ROS1: variants seen among roughly 807,000 people sequenced by gnomAD.
The protein encoded by ROS1 is proto-oncogene tyrosine-protein kinase ROS.
In ROS1, 263 loss-of-function variants were observed where a neutral mutation model predicts 273.5. The ratio of observed to expected loss-of-function variants is 0.96; its 90% CI spans 0.87 to 1.06. ROS1 has a LOEUF of 1.06. ROS1 is among the 50% of genes least tolerant of loss of function. The probability of loss-of-function intolerance (pLI) is 0.00; values close to 1 mark genes in which losing one functional copy is unlikely to be tolerated. For synonymous variants in ROS1, 1,008 were observed against 954.1 expected (o/e 1.06, Z -1.04); for missense variants, 2,833 against 2,751.1 (o/e 1.03, Z -0.67).
At chr6:117,410,662 C>A (rs183496466) in intron 4 of ROS1, among the ~76,000 whole-genome samples, 1 of 152,146 alleles carries the variant, frequency 6.6e-6, no homozygotes, top group Non-Finnish European at 1.5e-5. Flanking sequence ...TGTCTTTCAA[C>A]TTGTAACTAT....
intron 8 of ROS1, 43 bp from the exon 9 acceptor site, chr6:117,396,307 G>A (rs751330714): frequency 1.5e-6 from 2 of 1,325,434 alleles, no homozygotes; most frequent in Non-Finnish European, 2.2e-6. Flanking sequence ...CACATGGCAT[G>A]GTGTGAACAT....
Position 117,387,877 on chromosome 6 carries a change from C to T in ROS1, c.1902G>A (p.Leu634=), listed in dbSNP as rs778643336. Residue 634 remains leucine, a synonymous_variant, in exon 14 of 44, where the codon CTG becomes CTA. Transcript: ENST00000368507. ...AAACCTTGTATTTCATAGCACTCTGCAGCTCAGGTACATTCAGCATGGTTC... is the reference window on the plus strand; with the variant it reads ...AAACCTTGTATTTCATAGCACTCTGTAGCTCAGGTACATTCAGCATGGTTC... The part of the protein sequence containing the change: ...ISGTMLNVPE[L]QSAMKYKVSV... 1 of 1,614,170 alleles carries T rather than the reference C, an allele frequency of 6.2e-7. No homozygotes were observed. Among genetic ancestry groups the T allele is most frequent in the Non-Finnish European group, 8.5e-7 (1 of 1,180,018 alleles).
chr6:117,360,848 C>T (rs979793758), intron 22 of ROS1, among the ~76,000 whole-genome samples: 28 of 152,080 alleles, frequency 1.8e-4, no homozygotes, highest in African/African-American at 6.7e-4. Context: ...TTACATAGAA[C>T]ATTTAACAGA....
intron 4 of ROS1, among the ~76,000 whole-genome samples, chr6:117,411,742 G>C (rs2128738500): frequency 6.6e-6 from 1 of 152,234 alleles, no homozygotes. Flanking sequence ...ATTCATTCAA[G>C]AATATTTGAA....
At chr6:117,385,270 T>C (rs1236377034) in intron 16 of ROS1, among the ~76,000 whole-genome samples, 2 of 152,178 alleles carry the variant, frequency 1.3e-5, no homozygotes, top group Non-Finnish European at 2.9e-5. Context: ...AAAAGTGAGA[T>C]GAGGCCGGGA....
intron 1 of ROS1, among the ~76,000 whole-genome samples, chr6:117,422,088 G>T (rs1489657804): frequency 6.6e-6 from 1 of 152,168 alleles, no homozygotes; most frequent in African/African-American, 2.4e-5. Flanking sequence ...ACAGCTGACA[G>T]CATCCTCGAC....
chr6:117,422,472 T>C (rs1775828948), intron 1 of ROS1, among the ~76,000 whole-genome samples: 1 of 152,212 alleles, frequency 6.6e-6, no homozygotes, highest in Non-Finnish European at 1.5e-5. Context: ...TTGATTGTAT[T>C]CTGTTTTACT....
chr6:117,316,075 T>C (rs1582596936), intron 39 of ROS1, among the ~76,000 whole-genome samples: 1 of 152,060 alleles, frequency 6.6e-6, no homozygotes, highest in African/African-American at 2.4e-5. Flanking sequence ...CCTGGAAGGA[T>C]GGTTTATCTG....
At position 117,310,084 on chromosome 6, in the gene ROS1, A is replaced by G. The variant is rs2128547914; in HGVS notation, c.6413T>C (p.Val2138Ala). 1 of 1,612,304 alleles carries G rather than the reference A, an allele frequency of 6.2e-7. No homozygotes were observed. Among genetic ancestry groups the G allele is most frequent in the Non-Finnish European group, 8.5e-7 (1 of 1,178,578 alleles). Residue 2138 changes from valine to alanine, a missense_variant, in exon 41 of 44, where the codon GTA becomes GCA. Physicochemically the swap from Val to Ala is moderately conservative, Grantham distance 64 (BLOSUM62 0). Transcript: ENST00000368507. Reference protein sequence around the residue: ...MDGIFTTQSDVWSFGILIWEI... With the variant: ...MDGIFTTQSDAWSFGILIWEI... The stretch of plus-strand genomic sequence containing the variant: ...CTCTGTGTCCCGTTAAACTTACCAT[A>G]CATCAGATTGAGTAGTGAAGATTCC...
intron 32 of ROS1, among the ~76,000 whole-genome samples, chr6:117,335,145 GAA>G (rs1229115904): frequency 1.3e-5 from 2 of 152,112 alleles, no homozygotes; most frequent in African/African-American, 4.8e-5. Flanking sequence ...ATATTTACAA[GAA>G]AAAGACAGAC....
chr6:117,402,916 GAA>G (rs1774069232), intron 7 of ROS1, among the ~76,000 whole-genome samples: 1 of 149,572 alleles, frequency 6.7e-6, no homozygotes, highest in Non-Finnish European at 1.5e-5. Flanking sequence ...GAAAAGAAAA[GAA>G]AAAAGAAAGT....
intron 37 of ROS1, among the ~76,000 whole-genome samples, chr6:117,319,106 G>A (rs965880249): frequency 1.3e-5 from 2 of 152,086 alleles, no homozygotes; most frequent in Non-Finnish European, 2.9e-5. Flanking sequence ...TCTCTAATAA[G>A]CAGAGATCAG....
chr6:117,407,154 GA>G (rs1243868237), intron 5 of ROS1, among the ~76,000 whole-genome samples: 2 of 152,136 alleles, frequency 1.3e-5, no homozygotes, highest in Non-Finnish European at 2.9e-5. Context: ...AAGCAAATCA[GA>G]ACAGCAAGAT....
intron 31 of ROS1, among the ~76,000 whole-genome samples, chr6:117,338,367 A>C (rs1039968880): frequency 2.0e-5 from 3 of 152,058 alleles, no homozygotes; most frequent in Non-Finnish European, 4.4e-5. Flanking sequence ...AGGGAATGGA[A>C]GGAATGAAAA....
Position 117,356,729 on chromosome 6 carries a change from T to C in ROS1, c.4026A>G (p.Leu1342=), listed in dbSNP as rs756773254. ...SGAMAIDTSN[L]EKPLIYFAKA... ...TGGCAAAGTATATCAATGGTTTCTC[T>C]AGGTTAGAGGTATCAATAGCCATTG... The change falls in exon 26 of 44, where the codon CTA becomes CTG. Residue 1342 remains leucine, a synonymous_variant. Transcript: ENST00000368507. The C allele has an allele frequency of 6.2e-7, 1 of 1,614,172 alleles. No homozygotes were observed. The highest frequency in any genetic ancestry group is 8.5e-7 in the Non-Finnish European group (1 of 1,179,990).
At chr6:117,318,639 T>C (rs183987002) in intron 37 of ROS1, among the ~76,000 whole-genome samples, 13 of 152,272 alleles carry the variant, frequency 8.5e-5, no homozygotes, top group Admixed American at 3.9e-4. Flanking sequence ...TCAAAGCTAA[T>C]CATGAAAATT....
chr6:117,338,880 AG>A (rs1161901602), intron 31 of ROS1, among the ~76,000 whole-genome samples: 6 of 152,064 alleles, frequency 3.9e-5, no homozygotes. Context: ...TGTGGGTGGG[AG>A]TGAGGGGGAG....
chr6:117,329,021 G>A (rs1776854615), intron 33 of ROS1, among the ~76,000 whole-genome samples: 1 of 152,150 alleles, frequency 6.6e-6, no homozygotes, highest in African/African-American at 2.4e-5. Context: ...TTAAACATCA[G>A]CTAAGCTTTT....
At chr6:117,334,116 C>T (rs1031073130) in intron 32 of ROS1, among the ~76,000 whole-genome samples, 2 of 152,184 alleles carry the variant, frequency 1.3e-5, no homozygotes, top group East Asian at 1.9e-4. Context: ...AGCCCAAAAA[C>T]TTCTTGAACT....
Sources: allele counts gnomAD v4.1 joint callset (sites outside exome capture counted in the v4.1 genomes callset), GRCh38; gene constraint gnomAD v4.1.1; transcripts MANE v1.5; gene names NCBI Gene and HGNC (gene_info 2026-07-23, HGNC 2026-07-21).